CCSER1: variants seen among roughly 807,000 people sequenced by gnomAD.
CCSER1 encodes the protein serine-rich coiled-coil domain-containing protein 1.
Under a neutral mutation model 82.0 loss-of-function variants are expected in CCSER1, and 41 were observed. That is an observed-to-expected ratio of 0.50 (90% confidence interval 0.39 to 0.65). CCSER1 has a LOEUF of 0.65. CCSER1 is among the 30% of genes least tolerant of loss of function. The pLI, the probability that CCSER1 is intolerant of heterozygous loss-of-function variation, is 0.00. For synonymous variants in CCSER1, 414 were observed against 383.9 expected (o/e 1.08, Z -0.92); for missense variants, 1,119 against 1,064.2 (o/e 1.05, Z -0.72).
At chr4:90,405,293 C>T (rs1269137421) in intron 4 of CCSER1, among the ~76,000 whole-genome samples, 1 of 151,752 alleles carries the variant, frequency 6.6e-6, no homozygotes, top group Non-Finnish European at 1.5e-5. Flanking sequence ...TTCAAATTAA[C>T]CCAATTCATT....
intron 5 of CCSER1, among the ~76,000 whole-genome samples, chr4:90,567,471 G>A (rs1021607828): frequency 2.0e-5 from 3 of 151,918 alleles, no homozygotes; most frequent in African/African-American, 7.3e-5. Flanking sequence ...TGTATTCTTA[G>A]TAGAGACGGG....
chr4:90,796,901 A>C (rs1372720139), intron 7 of CCSER1, among the ~76,000 whole-genome samples: 1 of 152,142 alleles, frequency 6.6e-6, no homozygotes, highest in Non-Finnish European at 1.5e-5. Flanking sequence ...TTTTACTGCT[A>C]CTGATTTTGT....
chr4:91,091,468 A>G (rs1392396805), intron 10 of CCSER1, among the ~76,000 whole-genome samples: 1 of 152,226 alleles, frequency 6.6e-6, no homozygotes, highest in African/African-American at 2.4e-5. Context: ...CAGTGACCTG[A>G]TATATGCACT....
chr4:91,325,388 G>C, intron 10 of CCSER1: 1 of 303,496 alleles, frequency 3.3e-6, no homozygotes. Context: ...GTCATCTATA[G>C]ATGAAAGGGA....
intron 6 of CCSER1, among the ~76,000 whole-genome samples, chr4:90,651,674 A>C (rs1728770528): frequency 1.5e-5 from 2 of 134,662 alleles, no homozygotes. Flanking sequence ...GCATCCCAGA[A>C]CTTAAAGTAT....
intron 10 of CCSER1, among the ~76,000 whole-genome samples, chr4:91,355,487 C>G (rs190344035): frequency 1.3e-5 from 2 of 152,034 alleles, no homozygotes; most frequent in Non-Finnish European, 2.9e-5. Flanking sequence ...ATTATACAAA[C>G]GAGTTTCTTT....
At chr4:91,459,243 G>T (rs1485876718) in intron 10 of CCSER1, among the ~76,000 whole-genome samples, 1 of 152,006 alleles carries the variant, frequency 6.6e-6, no homozygotes, top group African/African-American at 2.4e-5. Flanking sequence ...GATAAGTGTT[G>T]TATGAAAGGG....
At chr4:90,905,685 G>A (rs62312305) in intron 8 of CCSER1, among the ~76,000 whole-genome samples, 8,161 of 152,110 alleles carry the variant, frequency 0.054, 319 homozygotes, top group East Asian at 0.12. Flanking sequence ...GTGAAATAGC[G>A]AGAACAATGA....
intron 10 of CCSER1, among the ~76,000 whole-genome samples, chr4:91,545,781 A>G (rs1225030332): frequency 6.6e-6 from 1 of 151,894 alleles, no homozygotes; most frequent in Non-Finnish European, 1.5e-5. Flanking sequence ...CTTTCATTTT[A>G]TTTTCTTATT....
chr4:90,645,496 A>G (rs528478345), intron 6 of CCSER1, among the ~76,000 whole-genome samples: 1 of 152,200 alleles, frequency 6.6e-6, no homozygotes, highest in Non-Finnish European at 1.5e-5. Context: ...CTAGATATGT[A>G]GGGATTTACT....
intron 8 of CCSER1, among the ~76,000 whole-genome samples, chr4:90,917,161 C>G (rs1727592219): frequency 6.6e-6 from 1 of 152,182 alleles, no homozygotes; most frequent in South Asian, 2.1e-4. Flanking sequence ...CATCCCATTA[C>G]TGGGTATATA....
chr4:91,533,496 A>T (rs1014941771), intron 10 of CCSER1, among the ~76,000 whole-genome samples: 12 of 152,180 alleles, frequency 7.9e-5, no homozygotes, highest in African/African-American at 2.9e-4. Context: ...TAGTTGAAAT[A>T]TGGATAAAAG....
At chr4:91,458,611 G>T (rs1756330527) in intron 10 of CCSER1, among the ~76,000 whole-genome samples, 1 of 151,998 alleles carries the variant, frequency 6.6e-6, no homozygotes, top group Non-Finnish European at 1.5e-5. Context: ...CACTTTGGGT[G>T]GTATGGGCAA....
At chr4:91,265,094 A>C (rs1319348923) in intron 10 of CCSER1, among the ~76,000 whole-genome samples, 2 of 152,016 alleles carry the variant, frequency 1.3e-5, no homozygotes, top group Non-Finnish European at 2.9e-5. Context: ...ATTTCCTTAG[A>C]TATCTCACTA....
At chr4:91,069,726 T>C (rs964211503) in intron 9 of CCSER1, among the ~76,000 whole-genome samples, 28 of 152,280 alleles carry the variant, frequency 1.8e-4, no homozygotes, top group African/African-American at 6.3e-4. Flanking sequence ...TCAATGCTCA[T>C]GAAAGTCCTT....
At chr4:91,165,910 G>T (rs1732004672) in intron 10 of CCSER1, among the ~76,000 whole-genome samples, 2 of 152,194 alleles carry the variant, frequency 1.3e-5, no homozygotes, top group Admixed American at 6.5e-5. Flanking sequence ...ATCCTGCCCA[G>T]CTTTGGCTCA....
chr4:91,396,889 C>T (rs1200273424), intron 10 of CCSER1, among the ~76,000 whole-genome samples: 1 of 151,946 alleles, frequency 6.6e-6, no homozygotes, highest in Non-Finnish European at 1.5e-5. Flanking sequence ...TAGAAGCCAC[C>T]TTTCCCAACA....
chr4:90,383,307 T>C (rs1036879033), intron 3 of CCSER1, among the ~76,000 whole-genome samples: 10 of 152,132 alleles, frequency 6.6e-5, no homozygotes, highest in African/African-American at 2.2e-4. Flanking sequence ...AAAGGAATTA[T>C]AGATAGGCAA....
At chr4:91,086,855 T>C (rs1278085465) in intron 10 of CCSER1, among the ~76,000 whole-genome samples, 1 of 152,114 alleles carries the variant, frequency 6.6e-6, no homozygotes, top group East Asian at 1.9e-4. Context: ...ATTTGTCATT[T>C]AAGGTCTCTT....
Sources: allele counts gnomAD v4.1 joint callset (sites outside exome capture counted in the v4.1 genomes callset), GRCh38; gene constraint gnomAD v4.1.1; transcripts MANE v1.5; gene names NCBI Gene and HGNC (gene_info 2026-07-23, HGNC 2026-07-21).